The following JAKMIP1 variants were observed in gnomAD, a reference collection of about 807,000 sequenced individuals.
The protein encoded by JAKMIP1 is janus kinase and microtubule-interacting protein 1.
In JAKMIP1, 33 loss-of-function variants were observed where a neutral mutation model predicts 113.0. The ratio of observed to expected loss-of-function variants is 0.29; its 90% CI spans 0.22 to 0.39. The LOEUF is 0.39. Ranked by LOEUF, JAKMIP1 falls within the 10% of genes least tolerant of loss-of-function variation. The pLI is 1.00. For synonymous variants in JAKMIP1, 480 were observed against 459.9 expected (o/e 1.04, Z -0.56); for missense variants, 813 against 1,080.5 (o/e 0.75, Z 3.47).
At chr4:6,079,415 G>A (rs973832509) in intron 7 of JAKMIP1, among the ~76,000 whole-genome samples, 2 of 152,094 alleles carry the variant, frequency 1.3e-5, no homozygotes, top group Non-Finnish European at 2.9e-5. Context: ...GGTAGAGGGA[G>A]ATGGAGGCAG....
Position 6,049,872 on chromosome 4 carries a change from C to T in JAKMIP1, c.1909G>A (p.Asp637Asn). The T allele has an allele frequency of 6.2e-7, 1 of 1,610,686 alleles. No homozygotes were observed. The highest frequency in any genetic ancestry group is 8.5e-7 in the Non-Finnish European group (1 of 1,177,118). ...QLFCHQEGVK[D>N]VNVSELMKKL... ...TTCATAAGTTCAGAAACATTCACATCCTGGAAGAGATTTCCAACGTTCATT... is the reference window on the plus strand; with the variant it reads ...TTCATAAGTTCAGAAACATTCACATTCTGGAAGAGATTTCCAACGTTCATT... The change falls in exon 15 of 21, where the codon GAT becomes AAT. Residue 637 changes from aspartate (D) to asparagine (N), a missense_variant and splice_region_variant. By Grantham distance (23) the Asp-to-Asn change is conservative. Coordinates refer to ENST00000409021, the MANE Select transcript of JAKMIP1 (RefSeq NM_001099433.2). The surrounding 1 kb of genome is among the most constrained non-coding windows in gnomAD (Gnocchi z 7.0).
intron 9 of JAKMIP1, among the ~76,000 whole-genome samples, chr4:6,062,980 T>A (rs918620882): frequency 6.6e-6 from 1 of 152,168 alleles, no homozygotes; most frequent in African/African-American, 2.4e-5. Flanking sequence ...CCATCTCTAC[T>A]AAAATACAAA....
Position 6,051,070 on chromosome 4 carries a change from G to T in JAKMIP1, c.1807-391C>A, listed in dbSNP as rs185188773. Among the ~76,000 whole-genome samples the T allele has an allele frequency of 6.6e-6, 1 of 152,186 alleles. No homozygotes were observed. The highest frequency in any genetic ancestry group is 1.5e-5 in the Non-Finnish European group (1 of 68,038). ...TCTGTGCCAGGCACACCACTCTCCC[G>T]TCTAATCCTCACACTACCCCAGGAG... On this transcript the variant is annotated intron_variant, in intron 13 of 20. Coordinates refer to ENST00000409021, the MANE Select transcript of JAKMIP1 (RefSeq NM_001099433.2). The surrounding 1 kb of genome is among the most constrained non-coding windows in gnomAD (Gnocchi z 5.0).
chr4:6,109,005 G>A (rs149506796), intron 2 of JAKMIP1, among the ~76,000 whole-genome samples: 27 of 152,298 alleles, frequency 1.8e-4, no homozygotes, highest in African/African-American at 4.8e-4. Flanking sequence ...TGATGGGCAC[G>A]CCTGGTGCCT....
At position 6,157,338 on chromosome 4, in the gene JAKMIP1, G is replaced by A. The variant is rs959413884; in HGVS notation, c.-148+42915C>T. ...CCCTCTGCAAAAAGGCGCACGGGAT[G>A]GGAAGCTGGCGCACAACACAGGGTT... On this transcript the variant is annotated intron_variant, in intron 1 of 20. Transcript: ENST00000409021. This position sits in a 1 kb window ranked among gnomAD's most constrained non-coding sequence, Gnocchi z 4.7. Among the ~76,000 whole-genome samples, 40 of 152,192 alleles carry A rather than the reference G, an allele frequency of 2.6e-4. No individual in the cohort carries two copies. The highest frequency in any genetic ancestry group is 9.2e-4 in the African/African-American group (38 of 41,450).
chr4:6,035,159 C>T (rs1249318078), intron 19 of JAKMIP1, among the ~76,000 whole-genome samples: 1 of 152,054 alleles, frequency 6.6e-6, no homozygotes, highest in Non-Finnish European at 1.5e-5. Context: ...CTGCCCGCAT[C>T]CCCCTTCTTT....
Position 6,136,469 on chromosome 4 carries a change from A to G in JAKMIP1, c.-147-23472T>C, listed in dbSNP as rs1179708553. On this transcript the variant is annotated intron_variant, in intron 1 of 20. Coordinates refer to ENST00000409021, the MANE Select transcript of JAKMIP1 (RefSeq NM_001099433.2). This position sits in a 1 kb window ranked among gnomAD's most constrained non-coding sequence, Gnocchi z 5.9. ...GCTGGAAGGAACTCGGTATCAGTCC[A>G]GAGTGATCTATTTAATCTCTCAAGG... 6.6e-6 allele frequency among the ~76,000 whole-genome samples: 1 copy of G among 152,168 alleles called. No individual in the cohort carries two copies. Among genetic ancestry groups the G allele is most frequent in the African/African-American group, 2.4e-5 (1 of 41,450 alleles).
chr4:6,085,775 G>A (rs981822117), intron 3 of JAKMIP1, 146 bp from the exon 4 acceptor site: 13 of 682,426 alleles, frequency 1.9e-5, no homozygotes, highest in Non-Finnish European at 3.2e-5. Context: ...CAGACACAGA[G>A]CAAGCACAGC....
rs577797448 is a variant in JAKMIP1 at position 6,141,110 on chromosome 4, G to T, written c.-147-28113C>A. ...CAGTCACTACCATCCTAATTGTATC[G>T]CGTAGAATGAGAAGCAGCTACCAAC... On this transcript the variant is annotated intron_variant, in intron 1 of 20. Transcript: ENST00000409021. This position sits in a 1 kb window ranked among gnomAD's most constrained non-coding sequence, Gnocchi z 9.4. Among the ~76,000 whole-genome samples, 1 of 152,192 alleles carries T rather than the reference G, an allele frequency of 6.6e-6. No individual in the cohort carries two copies. Among genetic ancestry groups the T allele is most frequent in the Non-Finnish European group, 1.5e-5 (1 of 68,048 alleles).
rs1056104109 is a variant in JAKMIP1, at chr4:6,150,494, GC to G, written c.-147-37498del. Reference sequence around the variant, plus strand: ...CGGGGCCTGACACAGCAGGTACACAGCCCTGTTTGCTGAACTGAGTGGTTTC... The same window carrying G: ...CGGGGCCTGACACAGCAGGTACACAGCCTGTTTGCTGAACTGAGTGGTTTC... On this transcript the variant is annotated intron_variant, in intron 1 of 20. Coordinates refer to ENST00000409021, the MANE Select transcript of JAKMIP1 (RefSeq NM_001099433.2). The surrounding 1 kb of genome is among the most constrained non-coding windows in gnomAD (Gnocchi z 4.8). 1 of 152,258 alleles carries G rather than the reference GC, an allele frequency of 6.6e-6. No individual in the cohort carries two copies. Among genetic ancestry groups the G allele is most frequent in the African/African-American group, 2.4e-5 (1 of 41,444 alleles). 9.4% of individuals were successfully genotyped at this position (152,258 alleles called of 1,614,324 possible). A position where few individuals can be genotyped will look rare whatever the true frequency, so the allele number is the denominator to read the frequency against.
intron 1 of JAKMIP1, among the ~76,000 whole-genome samples, chr4:6,159,439 T>C (rs1189274618): frequency 6.6e-6 from 1 of 152,068 alleles, no homozygotes; most frequent in Non-Finnish European, 1.5e-5. Context: ...CTGTGACACA[T>C]AACAAATCCC....
intron 1 of JAKMIP1, among the ~76,000 whole-genome samples, chr4:6,161,324 T>C (rs1310441270): frequency 7.1e-6 from 1 of 140,602 alleles, no homozygotes; most frequent in Non-Finnish European, 1.5e-5. Flanking sequence ...TGGCCTCCAC[T>C]CACCTCCCCT....
intron 1 of JAKMIP1, among the ~76,000 whole-genome samples, chr4:6,170,604 T>G (rs894169416): frequency 7.8e-6 from 1 of 128,464 alleles, no homozygotes; most frequent in Non-Finnish European, 1.6e-5. Context: ...TCCTCAACAG[T>G]GTCATCACCA....
chr4:6,046,570 G>C (rs909427184), intron 16 of JAKMIP1, among the ~76,000 whole-genome samples: 5 of 152,068 alleles, frequency 3.3e-5, no homozygotes, highest in African/African-American at 1.2e-4. Context: ...TGGTGGTCAG[G>C]GGCAGGCGGG....
Position 6,176,275 on chromosome 4 carries a change from G to A in JAKMIP1, c.-148+23978C>T, listed in dbSNP as rs1725330925. On this transcript the variant is annotated intron_variant, in intron 1 of 20. Transcript: ENST00000409021. The surrounding 1 kb of genome is among the most constrained non-coding windows in gnomAD (Gnocchi z 5.5). ...TGCTCCAGAGTCAACATGGAGGACT[G>A]CCTGGCAGCAGGTTCCACGGGGCCC... 6.6e-6 allele frequency among the ~76,000 whole-genome samples: 1 copy of A among 152,190 alleles called. No homozygotes were observed.
At chr4:6,117,170 C>G (rs575601826) in intron 1 of JAKMIP1, among the ~76,000 whole-genome samples, 33 of 152,290 alleles carry the variant, frequency 2.2e-4, no homozygotes, top group Non-Finnish European at 4.7e-4. Context: ...CAGGGTGTGA[C>G]TCGGATTTCC....
At chr4:6,047,544 TTAGTGATGA>T (rs1278716305) in intron 16 of JAKMIP1, among the ~76,000 whole-genome samples, 1 of 152,210 alleles carries the variant, frequency 6.6e-6, no homozygotes, top group African/African-American at 2.4e-5. Context: ...TCAGCCAGGT[TTAGTGATGA>T]TAGGAACAGG....
Position 6,106,022 on chromosome 4 carries a change from G to T in JAKMIP1, c.130-55C>A. 1 of 1,256,876 alleles carries T rather than the reference G, an allele frequency of 8.0e-7. No individual in the cohort carries two copies. The highest frequency in any genetic ancestry group is 1.1e-6 in the Non-Finnish European group (1 of 909,590). 77.9% of individuals were successfully genotyped at this position (1,256,876 alleles called of 1,614,324 possible). On this transcript the variant is annotated intron_variant, in intron 2 of 20. Coordinates refer to ENST00000409021, the MANE Select transcript of JAKMIP1 (RefSeq NM_001099433.2). This position sits in a 1 kb window ranked among gnomAD's most constrained non-coding sequence, Gnocchi z 5.9. ...AGGGTCAGGGTCAGGGTCAGGGTCA[G>T]GGTCAGGGTCACAGCTGGGGGAGCT...
At position 6,154,085 on chromosome 4, in the gene JAKMIP1, G is replaced by T. The variant is rs544254094; in HGVS notation, c.-147-41088C>A. ...GCCCCCAGACCATGCCTGGCTGACT[G>T]CATCCTGCTGCCTATGGTGAGAAGG... On this transcript the variant is annotated intron_variant, in intron 1 of 20. Coordinates refer to ENST00000409021, the MANE Select transcript of JAKMIP1 (RefSeq NM_001099433.2). The surrounding 1 kb of genome is among the most constrained non-coding windows in gnomAD (Gnocchi z 4.2). Among the ~76,000 whole-genome samples the T allele has an allele frequency of 8.5e-5, 13 of 152,176 alleles. No homozygotes were observed. Among genetic ancestry groups the T allele is most frequent in the Non-Finnish European group, 1.6e-4 (11 of 68,042 alleles).
Sources: allele counts gnomAD v4.1 joint callset (sites outside exome capture counted in the v4.1 genomes callset), GRCh38; gene constraint gnomAD v4.1.1; non-coding constraint Gnocchi (gnomAD v3.1); transcripts MANE v1.5; gene names NCBI Gene and HGNC (gene_info 2026-07-23, HGNC 2026-07-21).